HS3ST5: variants seen among roughly 807,000 people sequenced by gnomAD.
The protein encoded by HS3ST5 is heparan sulfate glucosamine 3-O-sulfotransferase 5.
HS3ST5 carries 10 observed loss-of-function variants against 25.4 expected under a neutral mutation model. The ratio of observed to expected loss-of-function variants is 0.39; its 90% CI spans 0.24 to 0.67. The LOEUF (loss-of-function observed/expected upper bound fraction) is 0.67, where lower values mean the gene tolerates loss of function less well. Ranked by LOEUF, HS3ST5 falls within the 30% of genes least tolerant of loss-of-function variation. The pLI is 0.44. For synonymous variants in HS3ST5, 170 were observed against 162.4 expected (o/e 1.05, Z -0.36); for missense variants, 324 against 420.7 (o/e 0.77, Z 2.01).
chr6:114,102,672 C>T (rs1380294326), intron 3 of HS3ST5, among the ~76,000 whole-genome samples: 1 of 152,092 alleles, frequency 6.6e-6, no homozygotes, highest in Non-Finnish European at 1.5e-5. Context: ...GGATTGTTTG[C>T]CTATGCCAAA....
intron 3 of HS3ST5, among the ~76,000 whole-genome samples, chr6:114,154,432 C>G (rs1778601576): frequency 1.3e-5 from 2 of 152,156 alleles, no homozygotes; most frequent in Admixed American, 1.3e-4. Context: ...CTGAGGCAGG[C>G]AAGTTGCTTT....
intron 1 of HS3ST5, among the ~76,000 whole-genome samples, chr6:114,299,050 G>C (rs1190299546): frequency 6.6e-6 from 1 of 152,204 alleles, no homozygotes; most frequent in Non-Finnish European, 1.5e-5. Flanking sequence ...GGGCGGAACA[G>C]AGCCATATTT....
chr6:114,260,851 C>A (rs1181228346), intron 1 of HS3ST5, among the ~76,000 whole-genome samples: 2 of 151,782 alleles, frequency 1.3e-5, no homozygotes, highest in East Asian at 3.8e-4. Flanking sequence ...TATAAAATGG[C>A]AAAAAAGGAA....
intron 3 of HS3ST5, among the ~76,000 whole-genome samples, chr6:114,068,779 C>G (rs547958342): frequency 6.6e-6 from 1 of 151,942 alleles, no homozygotes; most frequent in African/African-American, 2.4e-5. Flanking sequence ...GCTTGAAGAC[C>G]TACAGTGACA....
chr6:114,172,421 T>C (rs895033920), intron 2 of HS3ST5, among the ~76,000 whole-genome samples: 1 of 152,234 alleles, frequency 6.6e-6, no homozygotes, highest in African/African-American at 2.4e-5. Context: ...ATTTTCAGTT[T>C]AACATTTCAA....
intron 1 of HS3ST5, among the ~76,000 whole-genome samples, chr6:114,236,151 T>A (rs1016266002): frequency 3.3e-5 from 5 of 152,214 alleles, no homozygotes; most frequent in African/African-American, 1.2e-4. Context: ...CTGATCTTCC[T>A]CACTCTGTGG....
chr6:114,180,624 C>T (rs999569162), intron 2 of HS3ST5, among the ~76,000 whole-genome samples: 2 of 152,028 alleles, frequency 1.3e-5, no homozygotes, highest in African/African-American at 4.8e-5. Flanking sequence ...CTGCAGACGG[C>T]CTATCGTGGG....
At chr6:114,139,615 TA>T (rs781687923) in intron 3 of HS3ST5, among the ~76,000 whole-genome samples, 3 of 152,174 alleles carry the variant, frequency 2.0e-5, no homozygotes, top group Non-Finnish European at 2.9e-5. Flanking sequence ...TATCCCCTAT[TA>T]CTTATTTAAT....
At chr6:114,330,124 A>AT (rs974058050) in intron 1 of HS3ST5, among the ~76,000 whole-genome samples, 7 of 151,890 alleles carry the variant, frequency 4.6e-5, no homozygotes, top group South Asian at 2.1e-4. Flanking sequence ...ATTATTCCAG[A>AT]TTTTTTTTTA....
At chr6:114,277,723 T>C (rs1158988705) in intron 1 of HS3ST5, among the ~76,000 whole-genome samples, 2 of 152,028 alleles carry the variant, frequency 1.3e-5, no homozygotes, top group Non-Finnish European at 2.9e-5. Context: ...TGAGTACACA[T>C]GTGGAAATTT....
intron 2 of HS3ST5, among the ~76,000 whole-genome samples, chr6:114,200,668 TG>T (rs1780972865): frequency 6.6e-6 from 1 of 151,946 alleles, no homozygotes; most frequent in African/African-American, 2.4e-5. Context: ...CAATTAAAAC[TG>T]TGCACATTTT....
At chr6:114,325,958 A>G (rs1776156496) in intron 1 of HS3ST5, among the ~76,000 whole-genome samples, 1 of 152,238 alleles carries the variant, frequency 6.6e-6, no homozygotes, top group African/African-American at 2.4e-5. Context: ...GTGAACAAAA[A>G]TTCTTGCCTT....
intron 3 of HS3ST5, among the ~76,000 whole-genome samples, chr6:114,073,658 T>C (rs1459705914): frequency 6.6e-6 from 1 of 152,174 alleles, no homozygotes; most frequent in Non-Finnish European, 1.5e-5. Flanking sequence ...GGAGAGGATG[T>C]GGAGAAATAG....
intron 1 of HS3ST5, among the ~76,000 whole-genome samples, chr6:114,234,879 T>C (rs1771781611): frequency 6.6e-6 from 1 of 152,128 alleles, no homozygotes; most frequent in Non-Finnish European, 1.5e-5. Context: ...CCAGGTGGGG[T>C]GGCTAAACTG....
At chr6:114,156,666 C>T (rs1413889900) in intron 3 of HS3ST5, among the ~76,000 whole-genome samples, 5 of 152,114 alleles carry the variant, frequency 3.3e-5, no homozygotes, top group Admixed American at 6.5e-5. Context: ...TAACACTTCT[C>T]GATATCCAGT....
intron 2 of HS3ST5, among the ~76,000 whole-genome samples, chr6:114,186,279 C>G (rs945007132): frequency 6.6e-6 from 1 of 152,098 alleles, no homozygotes; most frequent in African/African-American, 2.4e-5. Flanking sequence ...TAGGCCTCTT[C>G]CACCAAACAA....
At chr6:114,277,214 GTT>G (rs371011694) in intron 1 of HS3ST5, among the ~76,000 whole-genome samples, 6,910 of 144,038 alleles carry the variant, frequency 0.048, 177 homozygotes, top group Middle Eastern at 0.081. Flanking sequence ...TATTAAAGCT[GTT>G]TTTTTTTTTA....
At chr6:114,080,058 T>C (rs1170289087) in intron 3 of HS3ST5, among the ~76,000 whole-genome samples, 1 of 152,212 alleles carries the variant, frequency 6.6e-6, no homozygotes, top group Non-Finnish European at 1.5e-5. Context: ...ATTATAGGCG[T>C]GAGCCACCAC....
At chr6:114,190,979 G>T (rs995776206) in intron 2 of HS3ST5, among the ~76,000 whole-genome samples, 1 of 152,164 alleles carries the variant, frequency 6.6e-6, no homozygotes, top group African/African-American at 2.4e-5. Flanking sequence ...TCACTTTATT[G>T]CAGCCCTTTG....
Sources: gnomAD v4.1 joint callset for allele counts (sites outside exome capture counted in the v4.1 genomes callset) on GRCh38, gnomAD v4.1.1 for gene constraint, MANE v1.5 for transcripts, NCBI Gene and HGNC (gene_info 2026-07-23, HGNC 2026-07-21) for gene names.